Variants in TOX observed in about 807,000 individuals in gnomAD.
TOX encodes the protein thymocyte selection associated high mobility group box.
A neutral mutation model predicts 53.7 loss-of-function variants in TOX; 11 were observed. That is an observed-to-expected ratio of 0.20 (90% CI 0.13 to 0.34). TOX has a LOEUF of 0.34. TOX is among the 10% of genes least tolerant of loss of function. TOX has a pLI of 1.00. For missense variants in TOX, 570 were observed against 664.6 expected (o/e 0.86, Z 1.56); for synonymous variants, 225 against 245.3 (o/e 0.92, Z 0.77).
At chr8:58,983,190 CT>C (rs1729676468) in intron 1 of TOX, among the ~76,000 whole-genome samples, 1 of 152,354 alleles carries the variant, frequency 6.6e-6, no homozygotes, top group African/African-American at 2.4e-5. Context: ...ACAGCAGACA[CT>C]GTGGACTTGA....
At chr8:58,824,229 G>C (rs967409742) in intron 6 of TOX, among the ~76,000 whole-genome samples, 14 of 152,116 alleles carry the variant, frequency 9.2e-5, no homozygotes, top group Admixed American at 6.5e-5. Flanking sequence ...GTGAAATGTT[G>C]ATAATCAAGC....
intron 2 of TOX, among the ~76,000 whole-genome samples, chr8:58,958,420 T>C (rs776215749): frequency 1.3e-5 from 2 of 152,234 alleles, no homozygotes; most frequent in South Asian, 4.1e-4. Flanking sequence ...TTTGTGTTTC[T>C]ACTGTTTCAA....
chr8:58,883,625 A>G (rs1811420542), intron 3 of TOX, among the ~76,000 whole-genome samples: 1 of 152,208 alleles, frequency 6.6e-6, no homozygotes, highest in South Asian at 2.1e-4. Context: ...TTAAAATCTA[A>G]TTTTAATCAC....
intron 1 of TOX, among the ~76,000 whole-genome samples, chr8:59,104,837 C>T (rs974494347): frequency 1.2e-4 from 18 of 152,152 alleles, no homozygotes; most frequent in African/African-American, 4.3e-4. Context: ...AACAGGGATT[C>T]CTCCAACTTC....
chr8:58,875,931 T>C (rs574084817), intron 3 of TOX, among the ~76,000 whole-genome samples: 1 of 152,222 alleles, frequency 6.6e-6, no homozygotes, highest in African/African-American at 2.4e-5. Context: ...ATAAACAGCG[T>C]AAGTCAGTAT....
intron 1 of TOX, among the ~76,000 whole-genome samples, chr8:59,091,053 T>C (rs1255059413): frequency 1.3e-5 from 2 of 152,052 alleles, no homozygotes; most frequent in Non-Finnish European, 2.9e-5. Context: ...CCGAAGCCTC[T>C]CCTATCCAAA....
rs546527804 is a variant in TOX, at chr8:59,034,735, A to C, written c.103-74727T>G. On this transcript the variant is annotated intron_variant, in intron 1 of 8. Coordinates refer to ENST00000361421, the MANE Select transcript of TOX (RefSeq NM_014729.3). ...CATTTGGATGTTTGAGAGTAAGGGA[A>C]GAAAATGGCAAGTTAGAGAAAGAAA... 2.1e-3 allele frequency among the ~76,000 whole-genome samples: 318 copies of C among 152,350 alleles called. 2 individuals are homozygous for C. The highest frequency in any genetic ancestry group is 2.9e-3 in the Non-Finnish European group (194 of 68,036).
chr8:59,092,845 A>G (rs1804649079), intron 1 of TOX, among the ~76,000 whole-genome samples: 1 of 152,154 alleles, frequency 6.6e-6, no homozygotes, highest in African/African-American at 2.4e-5. Flanking sequence ...CTTTCTAGAC[A>G]GTGTCTATAT....
chr8:58,818,758 C>T (rs533396407), intron 6 of TOX, among the ~76,000 whole-genome samples: 3 of 152,282 alleles, frequency 2.0e-5, no homozygotes, highest in Non-Finnish European at 2.9e-5. Context: ...TGACCTTCCT[C>T]ATGCTCTTCT....
chr8:59,093,448 G>A (rs971422072), intron 1 of TOX, among the ~76,000 whole-genome samples: 42 of 152,314 alleles, frequency 2.8e-4, no homozygotes, highest in African/African-American at 1.0e-3. Context: ...TTTGTTATGT[G>A]TTTTATCTGA....
At chr8:59,092,001 G>T (rs1804614539) in intron 1 of TOX, among the ~76,000 whole-genome samples, 1 of 151,840 alleles carries the variant, frequency 6.6e-6, no homozygotes, top group African/African-American at 2.4e-5. Flanking sequence ...TGTAATCCCA[G>T]CACTTTGGGA....
chr8:59,103,968 A>G (rs2129424549), intron 1 of TOX, among the ~76,000 whole-genome samples: 1 of 152,358 alleles, frequency 6.6e-6, no homozygotes, highest in South Asian at 2.1e-4. Context: ...TGTAGACTAC[A>G]ACTTCATATG....
intron 1 of TOX, among the ~76,000 whole-genome samples, chr8:59,067,287 C>T (rs892033821): frequency 2.6e-5 from 4 of 152,164 alleles, no homozygotes; most frequent in African/African-American, 9.7e-5. Context: ...GCCGAGGGGG[C>T]TCACCCCCAT....
chr8:58,808,283 C>G lies in TOX; in HGVS notation c.1393-14G>C. ...AAGAGTAAATCCCTGAAAGGGAAAGCAAGTCCGCAAATAAGGATCAAAATG... is the reference window on the plus strand; with the variant it reads ...AAGAGTAAATCCCTGAAAGGGAAAGGAAGTCCGCAAATAAGGATCAAAATG... On this transcript the variant is annotated splice_polypyrimidine_tract_variant and intron_variant, in intron 7 of 8. Coordinates refer to ENST00000361421, the MANE Select transcript of TOX (RefSeq NM_014729.3). The G allele has an allele frequency of 6.3e-7, 1 of 1,593,672 alleles. No individual in the cohort carries two copies. Among genetic ancestry groups the G allele is most frequent in the African/African-American group, 1.4e-5 (1 of 73,944 alleles).
In TOX at chr8:59,077,846, C is replaced by T. The variant is rs557823637; in HGVS notation, c.102+41040G>A. 1.8e-4 allele frequency among the ~76,000 whole-genome samples: 27 copies of T among 152,174 alleles called. No individual in the cohort carries two copies. In the South Asian group the frequency reaches 5.4e-3, roughly 30 times the overall value. Reference sequence around the variant, plus strand: ...TATAAAGAATAGAGGCAATTGAAAGCCTGGCAACTCTATATATGGAACAAT... The same window carrying T: ...TATAAAGAATAGAGGCAATTGAAAGTCTGGCAACTCTATATATGGAACAAT... On this transcript the variant is annotated intron_variant, in intron 1 of 8. Transcript: ENST00000361421.
At chr8:58,829,001 G>A (rs976302184) in intron 5 of TOX, among the ~76,000 whole-genome samples, 5 of 152,084 alleles carry the variant, frequency 3.3e-5, no homozygotes, top group African/African-American at 1.2e-4. Flanking sequence ...CAGCTAACTA[G>A]GATGCGTTTT....
chr8:58,852,075 G>C (rs554979487), intron 3 of TOX, among the ~76,000 whole-genome samples: 1 of 151,868 alleles, frequency 6.6e-6, no homozygotes, highest in South Asian at 2.1e-4. Context: ...TATATTTACA[G>C]TCTTTCTACA....
At chr8:58,852,235 T>C (rs1488002578) in intron 3 of TOX, among the ~76,000 whole-genome samples, 1 of 152,180 alleles carries the variant, frequency 6.6e-6, no homozygotes, top group Non-Finnish European at 1.5e-5. Flanking sequence ...TTCACAAAAA[T>C]TCATTAAACC....
intron 1 of TOX, among the ~76,000 whole-genome samples, chr8:59,001,807 C>T (rs528062672): frequency 1.3e-5 from 2 of 151,394 alleles, no homozygotes; most frequent in Admixed American, 6.6e-5. Context: ...AGTTGCAAAA[C>T]AAAGAAAAAA....
Sources: allele counts gnomAD v4.1 joint callset (sites outside exome capture counted in the v4.1 genomes callset), GRCh38; gene constraint gnomAD v4.1.1; transcripts MANE v1.5; gene names NCBI Gene and HGNC (gene_info 2026-07-23, HGNC 2026-07-21).